CYREN: variants seen among roughly 807,000 people sequenced by gnomAD.
The protein encoded by CYREN is cell cycle regulator of non-homologous end joining.
Under a neutral mutation model 9.7 loss-of-function variants are expected in CYREN, and 7 were observed. The observed-to-expected ratio is 0.72, with a 90% CI of 0.41 to 1.36. CYREN has a LOEUF of 1.36. CYREN is among the 40% of genes most tolerant of loss of function. The pLI is 0.01. For synonymous variants in CYREN, 76 were observed against 77.9 expected, an observed-to-expected ratio of 0.98 and a Z score of 0.13; for missense variants, 215 against 198.1, an observed-to-expected ratio of 1.09 and a Z score of -0.51.
intron 2 of CYREN, among the ~76,000 whole-genome samples, chr7:135,149,118 C>T (rs3800594): frequency 0.068 from 10,391 of 152,244 alleles, 436 homozygotes; most frequent in East Asian, 0.19. Context: ...CCTTTCTCAA[C>T]TTTCTTTCCA....
intron 2 of CYREN, among the ~76,000 whole-genome samples, chr7:135,153,458 A>C (rs889119785): frequency 1.3e-5 from 2 of 148,688 alleles, no homozygotes; most frequent in Admixed American, 6.7e-5. Flanking sequence ...CATCTCCACA[A>C]AAAAAAAAAA....
intron 2 of CYREN, among the ~76,000 whole-genome samples, chr7:135,149,657 C>A (rs904715304): frequency 3.9e-5 from 6 of 152,176 alleles, no homozygotes; most frequent in African/African-American, 1.4e-4. Context: ...TGTGAGAATG[C>A]CAGTTTAACC....
At chr7:135,137,115 A>C (rs1042610961) in intron 2 of CYREN, among the ~76,000 whole-genome samples, 1 of 152,074 alleles carries the variant, frequency 6.6e-6, no homozygotes, top group Admixed American at 6.6e-5. Context: ...ATATTTCCAT[A>C]GAAATTTAAA....
intron 2 of CYREN, among the ~76,000 whole-genome samples, chr7:135,157,419 G>T (rs1829822650): frequency 6.6e-6 from 1 of 152,236 alleles, no homozygotes; most frequent in Non-Finnish European, 1.5e-5. Flanking sequence ...GCTGGGACTT[G>T]GATGCCAACT....
At chr7:135,167,548 A>T in intron 3 of CYREN, 184 bp downstream of exon 3, 1 of 1,432,380 alleles carries the variant, frequency 7.0e-7, no homozygotes, top group Non-Finnish European at 9.1e-7. Flanking sequence ...AAGACACCCC[A>T]CGAGCGCACA....
chr7:135,167,448 T>G, intron 3 of CYREN: 2 of 1,275,728 alleles, frequency 1.6e-6, no homozygotes, highest in Non-Finnish European at 2.0e-6. Context: ...TCATGTCCCA[T>G]CCACATACAC....
chr7:135,107,058 C>T (rs1824834477), intron 2 of CYREN, among the ~76,000 whole-genome samples: 1 of 151,954 alleles, frequency 6.6e-6, no homozygotes, highest in Non-Finnish European at 1.5e-5. Flanking sequence ...TGGTAACATC[C>T]CCTTTGTCAT....
chr7:135,112,405 T>C (rs1443279351), intron 2 of CYREN, among the ~76,000 whole-genome samples: 1 of 152,210 alleles, frequency 6.6e-6, no homozygotes, highest in Admixed American at 6.5e-5. Context: ...AAAGTGTTAT[T>C]GCAAACAAGT....
chr7:135,097,661 T>G (rs1273660204), intron 2 of CYREN, among the ~76,000 whole-genome samples: 1 of 152,132 alleles, frequency 6.6e-6, no homozygotes, highest in Non-Finnish European at 1.5e-5. Context: ...TAATAAAAGT[T>G]TGGGGTCACT....
At chr7:135,116,430 A>C (rs1826320809) in intron 2 of CYREN, among the ~76,000 whole-genome samples, 1 of 152,222 alleles carries the variant, frequency 6.6e-6, no homozygotes, top group African/African-American at 2.4e-5. Flanking sequence ...ATACTTTCAT[A>C]AGAAAATGGG....
chr7:135,161,442 G>C (rs1829935568), downstream of CYREN, among the ~76,000 whole-genome samples: 1 of 152,176 alleles, frequency 6.6e-6, no homozygotes, highest in South Asian at 2.1e-4. The surrounding 1 kb of genome is among the most constrained non-coding windows in gnomAD (Gnocchi z 4.1). Context: ...CTGAACAATG[G>C]AGGAGGTCAA....
At chr7:135,160,396 C>A (rs1416488336) in intron 2 of CYREN, among the ~76,000 whole-genome samples, 1 of 152,204 alleles carries the variant, frequency 6.6e-6, no homozygotes, top group Non-Finnish European at 1.5e-5. Context: ...GTGTCATTAC[C>A]AGGATTGTTT....
At chr7:135,169,225 A>C in intron 1 of CYREN, 165 bp from the exon 2 acceptor site, 1 of 234,588 alleles carries the variant, frequency 4.3e-6, no homozygotes, top group Non-Finnish European at 8.3e-6. Context: ...AGCTCAGGAG[A>C]GAGCCCTCTG....
intron 2 of CYREN, among the ~76,000 whole-genome samples, chr7:135,097,397 G>C (rs1200284030): frequency 6.6e-6 from 1 of 152,030 alleles, no homozygotes; most frequent in Non-Finnish European, 1.5e-5. Flanking sequence ...AAATAATCTT[G>C]ATTTCTATGA....
intron 2 of CYREN, chr7:135,135,483 G>A: frequency 5.8e-6 from 2 of 346,878 alleles, no homozygotes; most frequent in Non-Finnish European, 1.0e-5. Context: ...TATTAAAGCA[G>A]ATATTTATAT....
intron 2 of CYREN, among the ~76,000 whole-genome samples, chr7:135,097,023 C>G (rs972476313): frequency 1.3e-5 from 2 of 152,098 alleles, no homozygotes; most frequent in African/African-American, 4.8e-5. Flanking sequence ...TTTTATGACC[C>G]AAGAAGATAC....
chr7:135,172,405 T>C (rs1830698566), upstream of CYREN, among the ~76,000 whole-genome samples: 2 of 149,960 alleles, frequency 1.3e-5, no homozygotes, highest in African/African-American at 4.9e-5. Flanking sequence ...GGTAAAAGTG[T>C]GTGTGCCCTC....
chr7:135,113,417 T>A (rs769188976), intron 2 of CYREN, among the ~76,000 whole-genome samples: 1 of 152,238 alleles, frequency 6.6e-6, no homozygotes, highest in Non-Finnish European at 1.5e-5. Context: ...AAATAAATTC[T>A]ATAAATTATA....
intron 2 of CYREN, among the ~76,000 whole-genome samples, chr7:135,156,788 T>C (rs1322415658): frequency 6.6e-6 from 1 of 152,202 alleles, no homozygotes; most frequent in African/African-American, 2.4e-5. Context: ...TTTGACTGTG[T>C]CCCCACCCAA....
Sources: allele counts gnomAD v4.1 joint callset (sites outside exome capture counted in the v4.1 genomes callset), GRCh38; gene constraint gnomAD v4.1.1; non-coding constraint Gnocchi (gnomAD v3.1); transcripts MANE v1.5; gene names NCBI Gene and HGNC (gene_info 2026-07-23, HGNC 2026-07-21).